Variants in ING5 observed in about 807,000 individuals in gnomAD.
ING5 encodes inhibitor of growth family member 5.
In ING5, 17 loss-of-function variants were observed where a neutral mutation model predicts 37.4. The ratio of observed to expected loss-of-function variants is 0.45; its 90% CI spans 0.31 to 0.68. ING5 has a LOEUF of 0.68. Ranked by LOEUF, ING5 falls within the 30% of genes least tolerant of loss-of-function variation. The probability of loss-of-function intolerance (pLI) is 0.05; values close to 1 mark genes in which losing one functional copy is unlikely to be tolerated. For synonymous variants in ING5, 123 were observed against 116.6 expected (o/e 1.06, Z -0.36); for missense variants, 233 against 311.9 (o/e 0.75, Z 1.91).
intron 1 of ING5, among the ~76,000 whole-genome samples, chr2:241,703,601 C>G (rs1185185649): frequency 6.6e-6 from 1 of 151,646 alleles, no homozygotes; most frequent in East Asian, 1.9e-4. Flanking sequence ...GAGAACATTT[C>G]TTTTCTTTTT....
chr2:241,724,856 AC>A (rs1174333890), intron 7 of ING5, 132 bp from the exon 8 acceptor site: 10 of 845,692 alleles, frequency 1.2e-5, no homozygotes, highest in Non-Finnish European at 1.9e-5. Flanking sequence ...CCGCGGCCCC[AC>A]TGCGTGTGCC....
rs566055925 is a variant in ING5, at chr2:241,725,335, G to A, written c.*304G>A. On this transcript the variant is annotated 3_prime_UTR_variant, in exon 8 of 8. Transcript: ENST00000313552. ...GCTCGGGCTGCCCGGCCGGGCGTGCGGGCGGGGACATGGTAACCTGGTCCA... is the reference window on the plus strand; with the variant it reads ...GCTCGGGCTGCCCGGCCGGGCGTGCAGGCGGGGACATGGTAACCTGGTCCA... The A allele has an allele frequency of 3.5e-4, 142 of 408,364 alleles. 1 individual carries two copies. Among genetic ancestry groups the A allele is most frequent in the South Asian group, 2.8e-3 (117 of 42,112 alleles). The allele number at this position is 408,364 out of a possible 1,614,324, so 25.3% of individuals were successfully genotyped here. A position where few individuals can be genotyped will look rare whatever the true frequency, so the allele number is the denominator to read the frequency against.
intron 5 of ING5, among the ~76,000 whole-genome samples, chr2:241,713,454 T>G (rs1298641011): frequency 7.0e-6 from 1 of 142,494 alleles, no homozygotes; most frequent in Non-Finnish European, 1.5e-5. Flanking sequence ...CACTGCAACC[T>G]CTGCCTCCCA....
rs746607590 is a variant in ING5, at chr2:241,723,174, G to C, written c.619-36G>C. 10 of 1,613,748 alleles carry C rather than the reference G, an allele frequency of 6.2e-6. 1 individual carries two copies. In the South Asian group the frequency reaches 6.6e-5, roughly 11 times the overall value. On this transcript the variant is annotated intron_variant, in intron 6 of 7. Transcript: ENST00000313552. The stretch of plus-strand genomic sequence containing the variant: ...CTTGTGTTTTGCATACAGAACATGA[G>C]GCGTGTTGACTGCGGTTTCTCCCTT...
In ING5 at chr2:241,724,889, G is replaced by A; in HGVS notation, c.681-100G>A. 4 of 1,270,802 alleles carry A rather than the reference G, an allele frequency of 3.1e-6. No homozygotes were observed. In the East Asian group the frequency reaches 9.4e-5, roughly 30 times the overall value. The allele number at this position is 1,270,802 out of a possible 1,614,324, so 78.7% of individuals were successfully genotyped here. Reference sequence around the variant, plus strand: ...TGCCTCTCCTGGTGCCCTCCTGCCGGCGTCCAGCAGCCCTGGGAGACATGG... The same window carrying A: ...TGCCTCTCCTGGTGCCCTCCTGCCGACGTCCAGCAGCCCTGGGAGACATGG... On this transcript the variant is annotated intron_variant, in intron 7 of 7. Coordinates refer to ENST00000313552, the MANE Select transcript of ING5 (RefSeq NM_032329.6).
intron 1 of ING5, among the ~76,000 whole-genome samples, chr2:241,702,706 C>T (rs1334238410): frequency 6.6e-6 from 1 of 152,234 alleles, no homozygotes; most frequent in Non-Finnish European, 1.5e-5. Context: ...GTGCTGTTTC[C>T]AGGTGGCAGC....
At chr2:241,714,298 T>C (rs2070201555) in intron 5 of ING5, among the ~76,000 whole-genome samples, 3 of 152,232 alleles carry the variant, frequency 2.0e-5, no homozygotes, top group Admixed American at 6.5e-5. Context: ...TCTAACCTTT[T>C]AAATTAACTT....
Position 241,720,660 on chromosome 2 carries a change from C to T in ING5, c.483-2279C>T, listed in dbSNP as rs146285666. On this transcript the variant is annotated intron_variant, in intron 5 of 7. Coordinates refer to ENST00000313552, the MANE Select transcript of ING5 (RefSeq NM_032329.6). ...GTGCTGGGAAGCCATCGGGGCCGGG[C>T]GCGGAAGGGCTCGCTGGCACCGTCT... The T allele has an allele frequency of 1.1e-3, 1,056 of 985,604 alleles. 37 individuals are homozygous for T. In the Admixed American group the frequency reaches 0.049, roughly 46 times the overall value. 61.1% of individuals were successfully genotyped at this position (985,604 alleles called of 1,614,324 possible).
chr2:241,710,279 G>T (rs2070067779), intron 3 of ING5, among the ~76,000 whole-genome samples: 2 of 151,322 alleles, frequency 1.3e-5, no homozygotes, highest in Non-Finnish European at 2.9e-5. Context: ...GCTAATTTTT[G>T]TAGTTTTATT....
chr2:241,715,514 A>G (rs1362883567), intron 5 of ING5, among the ~76,000 whole-genome samples: 3 of 113,522 alleles, frequency 2.6e-5, no homozygotes, highest in Non-Finnish European at 5.0e-5. Flanking sequence ...ACGGAGCCTC[A>G]CTCTGTTGCC....
intron 5 of ING5, among the ~76,000 whole-genome samples, chr2:241,712,960 C>T (rs972181201): frequency 4.1e-5 from 6 of 147,980 alleles, no homozygotes; most frequent in African/African-American, 1.5e-4. Flanking sequence ...ACGATCGCAC[C>T]ACTACATTCC....
intron 1 of ING5, among the ~76,000 whole-genome samples, chr2:241,703,651 G>C (rs1663318561): frequency 6.6e-6 from 1 of 151,866 alleles, no homozygotes; most frequent in African/African-American, 2.4e-5. Context: ...TCACCCTGTT[G>C]CCCAGGTTGG....
chr2:241,722,728 C>A, intron 5 of ING5: 1 of 985,368 alleles, frequency 1.0e-6, no homozygotes, highest in African/African-American at 1.7e-5. Flanking sequence ...CCTGGAGTCG[C>A]ATTCATTTCT....
chr2:241,709,731 C>T (rs2070048401), intron 3 of ING5, among the ~76,000 whole-genome samples: 2 of 151,866 alleles, frequency 1.3e-5, no homozygotes, highest in African/African-American at 4.8e-5. Flanking sequence ...CTTAGCCTCC[C>T]TAGTAGCTGT....
At chr2:241,722,121 G>A in intron 5 of ING5, 3 of 985,418 alleles carry the variant, frequency 3.0e-6, no homozygotes, top group Non-Finnish European at 3.6e-6. Context: ...CCCGGGCGCA[G>A]GACGCATGGC....
chr2:241,709,003 G>A, intron 2 of ING5: 1 of 480,854 alleles, frequency 2.1e-6, no homozygotes, highest in Non-Finnish European at 3.7e-6. Flanking sequence ...GACTGTCCTG[G>A]GCACGTTGCC....
exon 2 of ING5, chr2:241,689,932 TA>T (rs2069524625): frequency 7.1e-6 from 1 of 140,526 alleles, no homozygotes; most frequent in Admixed American, 7.2e-5. Context: ...AAGGGGATTG[TA>T]GGAAGGAAGA....
intron 2 of ING5, among the ~76,000 whole-genome samples, chr2:241,696,444 A>G (rs2069631372): frequency 6.6e-6 from 1 of 151,992 alleles, no homozygotes; most frequent in African/African-American, 2.4e-5. Flanking sequence ...AACAGAATGA[A>G]AAGTAGTAGA....
At position 241,687,553 on chromosome 2, in the gene ING5, A is replaced by C. The variant is rs1382843040; in HGVS notation, c.-1283A>C. 3.3e-4 allele frequency: 84 copies of C among 258,312 alleles called. 3 individuals carry two copies. In the Admixed American group the frequency reaches 7.7e-3, roughly 24 times the overall value. 16.0% of individuals were successfully genotyped at this position (258,312 alleles called of 1,614,324 possible). A position where few individuals can be genotyped will look rare whatever the true frequency, so the allele number is the denominator to read the frequency against. On this transcript the variant is annotated 5_prime_UTR_variant, in exon 1 of 8. Transcript: ENST00000636051. ...TGTTGTTTTTGTTTGTTTGAGACAG[A>C]GTCTCGCTCTGTCACCCAGGCTGGA...
Sources: allele counts gnomAD v4.1 joint callset (sites outside exome capture counted in the v4.1 genomes callset), GRCh38; gene constraint gnomAD v4.1.1; transcripts MANE v1.5; gene names NCBI Gene and HGNC (gene_info 2026-07-23, HGNC 2026-07-21).